Variants in RGS17 observed in about 807,000 individuals in gnomAD.
RGS17 encodes regulator of G protein signaling 17.
Under a neutral mutation model 25.5 loss-of-function variants are expected in RGS17, and 12 were observed. The observed-to-expected ratio is 0.47, with a 90% CI of 0.30 to 0.76. The LOEUF is 0.76. RGS17 is among the 30% of genes least tolerant of loss of function. RGS17 has a pLI of 0.07. For synonymous variants in RGS17, 71 were observed against 76.9 expected (o/e 0.92, Z 0.40); for missense variants, 196 against 242.2 (o/e 0.81, Z 1.27).
chr6:153,072,468 G>A (rs1776818790), intron 1 of RGS17, among the ~76,000 whole-genome samples: 3 of 152,142 alleles, frequency 2.0e-5, no homozygotes, highest in Admixed American at 2.0e-4. Context: ...AAACCTATAG[G>A]GTAGACATTG....
chr6:153,070,391 G>C (rs1035593149), intron 1 of RGS17, among the ~76,000 whole-genome samples: 4 of 151,874 alleles, frequency 2.6e-5, no homozygotes, highest in Non-Finnish European at 5.9e-5. Context: ...AGATAAAGGA[G>C]GCACAACAAA....
intron 1 of RGS17, among the ~76,000 whole-genome samples, chr6:153,102,085 G>A (rs189442985): frequency 6.6e-6 from 1 of 152,142 alleles, no homozygotes. Context: ...GTACTTGAAG[G>A]CATTTTGCTT....
rs929049241 is a variant in RGS17, at chr6:153,130,169, AGAG to A, written c.-26+952_-26+954del. 2.0e-5 allele frequency among the ~76,000 whole-genome samples: 3 copies of A among 152,154 alleles called. No individual in the cohort carries two copies. Among genetic ancestry groups the A allele is most frequent in the African/African-American group, 4.8e-5 (2 of 41,450 alleles). On this transcript the variant is annotated intron_variant, in intron 1 of 4. Coordinates refer to ENST00000206262, the MANE Select transcript of RGS17 (RefSeq NM_012419.5). This position sits in a 1 kb window ranked among gnomAD's most constrained non-coding sequence, Gnocchi z 6.4. ...TCAGGGAGACAGGGAGGCAGAGAGA[AGAG>A]GAGAAAGCGGCCGTGTCTGCACCCA...
intron 1 of RGS17, among the ~76,000 whole-genome samples, chr6:153,060,075 T>C (rs1012813981): frequency 6.6e-6 from 1 of 152,094 alleles, no homozygotes; most frequent in South Asian, 2.1e-4. Context: ...CCACACTGAG[T>C]TGTGACCCTG....
chr6:153,098,903 A>C (rs1318240895), intron 1 of RGS17, among the ~76,000 whole-genome samples: 5 of 152,212 alleles, frequency 3.3e-5, no homozygotes, highest in African/African-American at 1.2e-4. Flanking sequence ...TTGATGGAGT[A>C]AAAGAGAAGG....
chr6:153,037,183 CACACACACACACACACAG>C (rs1776258333), intron 2 of RGS17, among the ~76,000 whole-genome samples: 1 of 108,180 alleles, frequency 9.2e-6, no homozygotes. Flanking sequence ...CACACACACA[CACACACACACACACACAG>C]ACACACACAC....
intron 1 of RGS17, among the ~76,000 whole-genome samples, chr6:153,116,078 C>T (rs1021473559): frequency 8.5e-5 from 13 of 152,236 alleles, no homozygotes; most frequent in South Asian, 2.1e-4. Flanking sequence ...CAAATGGGAT[C>T]TAATTAAACT....
chr6:153,063,642 T>G (rs765553503), intron 1 of RGS17, among the ~76,000 whole-genome samples: 2 of 151,882 alleles, frequency 1.3e-5, no homozygotes, highest in African/African-American at 4.8e-5. Context: ...AGAGAGAAGG[T>G]AGAGAAAGAG....
chr6:153,065,880 A>G (rs1189202466), intron 1 of RGS17, among the ~76,000 whole-genome samples: 2 of 152,162 alleles, frequency 1.3e-5, no homozygotes, highest in Non-Finnish European at 2.9e-5. Flanking sequence ...GAACTAGAAA[A>G]GCAAGATAAT....
At chr6:153,070,608 T>C (rs1475309781) in intron 1 of RGS17, among the ~76,000 whole-genome samples, 1 of 151,634 alleles carries the variant, frequency 6.6e-6, no homozygotes, top group Non-Finnish European at 1.5e-5. Context: ...TTGGGGGTTC[T>C]AGAATCAATC....
Position 153,039,572 on chromosome 6 carries a change from C to T in RGS17, c.119+4328G>A, listed in dbSNP as rs1377448874. On this transcript the variant is annotated intron_variant, in intron 2 of 4. Transcript: ENST00000206262. ...GAACCCTGTTTTGCTTGATGGGACA[C>T]CCACAGAAGCGTCAGTATTAAAAGA... Among the ~76,000 whole-genome samples the T allele has an allele frequency of 2.6e-5, 4 of 152,124 alleles. No homozygotes were observed. In the South Asian group the frequency reaches 6.2e-4, roughly 24 times the overall value.
At chr6:153,072,135 G>A (rs1776813037) in intron 1 of RGS17, among the ~76,000 whole-genome samples, 1 of 152,078 alleles carries the variant, frequency 6.6e-6, no homozygotes, top group Non-Finnish European at 1.5e-5. Flanking sequence ...TGCCCAGGCT[G>A]CTCAGTTAAT....
intron 1 of RGS17, among the ~76,000 whole-genome samples, chr6:153,095,600 G>C (rs887202131): frequency 1.3e-5 from 2 of 151,950 alleles, no homozygotes; most frequent in African/African-American, 2.4e-5. Context: ...ACTACTTCAT[G>C]GGATTCTCTA....
intron 2 of RGS17, among the ~76,000 whole-genome samples, chr6:153,037,512 GC>G (rs1464281754): frequency 2.6e-5 from 4 of 151,042 alleles, no homozygotes; most frequent in Non-Finnish European, 5.9e-5. Flanking sequence ...TGCAACCTCA[GC>G]CCCCCAGGTT....
intron 1 of RGS17, among the ~76,000 whole-genome samples, chr6:153,118,714 A>T (rs1181172580): frequency 6.8e-6 from 1 of 147,482 alleles, no homozygotes; most frequent in Non-Finnish European, 1.5e-5. Context: ...TTGGAAATAG[A>T]TGATGTATAA....
At chr6:153,085,883 A>T (rs1237285941) in intron 1 of RGS17, among the ~76,000 whole-genome samples, 1 of 152,096 alleles carries the variant, frequency 6.6e-6, no homozygotes, top group Non-Finnish European at 1.5e-5. Context: ...GACTTTATTT[A>T]AAGAGATTCA....
intron 1 of RGS17, among the ~76,000 whole-genome samples, chr6:153,112,127 C>T (rs1777480014): frequency 6.6e-6 from 1 of 152,066 alleles, no homozygotes; most frequent in African/African-American, 2.4e-5. Flanking sequence ...TGTGTAATAA[C>T]AAACTCCTCT....
Position 153,009,721 on chromosome 6 carries a change from T to C in RGS17, c.*1853A>G, listed in dbSNP as rs1219926455. The C allele has an allele frequency of 6.6e-6, 1 of 152,016 alleles. No individual in the cohort carries two copies. The highest frequency in any genetic ancestry group is 2.4e-5 in the African/African-American group (1 of 41,452). The allele number at this position is 152,016 out of a possible 1,614,324, so 9.4% of individuals were successfully genotyped here. ...ATAACGTATTTAAAAGTGCTGAATA[T>C]GGTAGGATAGTCAGCAACGCCAGTG... On this transcript the variant is annotated 3_prime_UTR_variant, in exon 5 of 5. Coordinates refer to ENST00000206262, the MANE Select transcript of RGS17 (RefSeq NM_012419.5).
chr6:153,118,113 G>A (rs750646203), intron 1 of RGS17, among the ~76,000 whole-genome samples: 8 of 152,172 alleles, frequency 5.3e-5, no homozygotes, highest in South Asian at 2.1e-4. Flanking sequence ...AGGTTGCAGG[G>A]CACTTGGTGC....
Sources: gnomAD v4.1 joint callset for allele counts (sites outside exome capture counted in the v4.1 genomes callset) on GRCh38, gnomAD v4.1.1 for gene constraint, Gnocchi (gnomAD v3.1) non-coding constraint, MANE v1.5 for transcripts, NCBI Gene and HGNC (gene_info 2026-07-23, HGNC 2026-07-21) for gene names.